Variants in MMRN1 observed in about 807,000 individuals in gnomAD.
MMRN1 encodes the protein multimerin-1.
In MMRN1, 94 loss-of-function variants were observed where a neutral mutation model predicts 100.7. That is an observed-to-expected ratio of 0.93 (90% CI 0.79 to 1.11). The LOEUF is 1.11. Among genes scored for constraint, MMRN1 ranks in the 50% least tolerant of loss-of-function variants. The probability of loss-of-function intolerance (pLI) is 0.00; values close to 1 mark genes in which losing one functional copy is unlikely to be tolerated. For missense variants in MMRN1, 1,606 were observed against 1,439.1 expected (o/e 1.12, Z -1.88); for synonymous variants, 575 against 505.0 (o/e 1.14, Z -1.86).
In MMRN1 at chr4:89,936,304, C is replaced by T. The variant is rs760038715; in HGVS notation, c.2624C>T (p.Pro875Leu). The T allele has an allele frequency of 1.2e-6, 2 of 1,612,386 alleles. No homozygotes were observed. The highest frequency in any genetic ancestry group is 1.3e-5 in the African/African-American group (1 of 74,810). Residue 875 changes from proline to leucine, a missense_variant, in exon 6 of 8, where the codon CCT becomes CTT. Pro to Leu is a moderately conservative substitution (Grantham distance 98). Transcript: ENST00000264790. ...IESKVTQTLI[P>L]YYISVKKGSV... The stretch of plus-strand genomic sequence containing the variant: ...TCTAAAGTTACCCAGACGCTCATAC[C>T]TTATTATATTTCAGTTAAAAAAGGC...
At chr4:89,932,953 A>C (rs968282655) in intron 5 of MMRN1, among the ~76,000 whole-genome samples, 3 of 151,958 alleles carry the variant, frequency 2.0e-5, no homozygotes, top group African/African-American at 7.3e-5. Flanking sequence ...TTTCTTTTCT[A>C]TTTCATCATC....
intron 7 of MMRN1, among the ~76,000 whole-genome samples, chr4:89,952,240 T>C (rs1267253011): frequency 6.6e-6 from 1 of 152,190 alleles, no homozygotes; most frequent in Non-Finnish European, 1.5e-5. Flanking sequence ...CATGCTCAAA[T>C]GTATTAAGTA....
At chr4:89,898,358 G>A (rs1371786155) in intron 1 of MMRN1, among the ~76,000 whole-genome samples, 1 of 151,864 alleles carries the variant, frequency 6.6e-6, no homozygotes, top group African/African-American at 2.4e-5. Context: ...CTTACCTAAG[G>A]TCACTTGGCT....
Position 89,903,909 on chromosome 4 carries a change from A to C in MMRN1, c.624-5367A>C, listed in dbSNP as rs1049943256. On this transcript the variant is annotated intron_variant, in intron 1 of 7. Coordinates refer to ENST00000264790, the MANE Select transcript of MMRN1 (RefSeq NM_007351.3). ...TAATTCAGGATTAGAAAAAAAAAAA[A>C]AAAACTCTAGGCACAGAAATACACT... Among the ~76,000 whole-genome samples the C allele has an allele frequency of 2.6e-5, 4 of 150,954 alleles. No homozygotes were observed. The South Asian group carries it at 6.3e-4, about 24-fold the overall frequency.
chr4:89,890,478 G>A (rs1181523162), upstream of MMRN1, among the ~76,000 whole-genome samples: 3 of 151,844 alleles, frequency 2.0e-5, no homozygotes, highest in African/African-American at 7.3e-5. Context: ...TAGCCATTCT[G>A]CCTTCTTTTC....
intron 3 of MMRN1, among the ~76,000 whole-genome samples, chr4:89,919,024 T>C (rs1040731449): frequency 1.3e-5 from 2 of 151,848 alleles, no homozygotes; most frequent in African/African-American, 4.8e-5. Flanking sequence ...TTTTATTAAG[T>C]TGACTTTTAA....
rs552707957 is a variant in MMRN1 at position 89,933,333 on chromosome 4, C to T, written c.1130-1477C>T. Among the ~76,000 whole-genome samples the T allele has an allele frequency of 5.9e-5, 9 of 152,210 alleles. No homozygotes were observed. The South Asian group carries it at 8.3e-4, about 14-fold the overall frequency. ...AGCTCCAAATTTTCTGACATATTCCCGTCTTCTTCAGAGCCCTCCAAACTG... is the reference window on the plus strand; with the variant it reads ...AGCTCCAAATTTTCTGACATATTCCTGTCTTCTTCAGAGCCCTCCAAACTG... On this transcript the variant is annotated intron_variant, in intron 5 of 7. Coordinates refer to ENST00000264790, the MANE Select transcript of MMRN1 (RefSeq NM_007351.3).
At chr4:89,890,690 C>A (rs1194623829), upstream of MMRN1, among the ~76,000 whole-genome samples, 1 of 151,900 alleles carries the variant, frequency 6.6e-6, no homozygotes, top group Non-Finnish European at 1.5e-5. Context: ...AAAAGAAATG[C>A]GTTTTGAACT....
chr4:89,926,884 G>A (rs1380672949), intron 4 of MMRN1, among the ~76,000 whole-genome samples: 1 of 152,104 alleles, frequency 6.6e-6, no homozygotes, highest in African/African-American at 2.4e-5. Flanking sequence ...TTATTAAAGA[G>A]ACTGTCTTTT....
Position 89,931,683 on chromosome 4 carries a change from G to C in MMRN1, c.1130-3127G>C, listed in dbSNP as rs928035191. Among the ~76,000 whole-genome samples, 6 of 152,278 alleles carry C rather than the reference G, an allele frequency of 3.9e-5. No individual in the cohort carries two copies. In the South Asian group the frequency reaches 6.2e-4, roughly 16 times the overall value. Reference sequence around the variant, plus strand: ...AAAGCCACGTCTTACATGGTGGCAGGCAAGAGAGCATGTGCAGGGGAACTG... The same window carrying C: ...AAAGCCACGTCTTACATGGTGGCAGCCAAGAGAGCATGTGCAGGGGAACTG... On this transcript the variant is annotated intron_variant, in intron 5 of 7. Coordinates refer to ENST00000264790, the MANE Select transcript of MMRN1 (RefSeq NM_007351.3).
intron 6 of MMRN1, among the ~76,000 whole-genome samples, chr4:89,938,437 G>A (rs962241701): frequency 6.8e-6 from 1 of 146,054 alleles, no homozygotes; most frequent in African/African-American, 2.5e-5. Context: ...TATACAGCAT[G>A]TGTGACCACA....
At chr4:89,920,206 T>C (rs1560588304) in intron 3 of MMRN1, among the ~76,000 whole-genome samples, 1 of 152,154 alleles carries the variant, frequency 6.6e-6, no homozygotes, top group African/African-American at 2.4e-5. Context: ...GGCTTTATTA[T>C]ATTTCAATAT....
chr4:89,906,747 A>G (rs1721576209), intron 1 of MMRN1, among the ~76,000 whole-genome samples: 1 of 151,434 alleles, frequency 6.6e-6, no homozygotes, highest in Non-Finnish European at 1.5e-5. Flanking sequence ...GCATAAACCT[A>G]ATTATGAGTC....
intron 1 of MMRN1, chr4:89,901,994 T>G (rs1721404729): frequency 6.6e-6 from 1 of 151,994 alleles, no homozygotes; most frequent in Admixed American, 6.6e-5. Flanking sequence ...TCCGTTAGCC[T>G]GCCTTTGTGG....
At position 89,935,754 on chromosome 4, in the gene MMRN1, A is replaced by T. The variant is rs779490612; in HGVS notation, c.2074A>T (p.Ile692Phe). ...TSAVNSLNFI[I>F]KELTKRHNLL... Reference sequence around the variant, plus strand: ...TGCTGTCAATAGTCTAAATTTTATTATCAAAGAACTTACAAAAAGACACAA... The same window carrying T: ...TGCTGTCAATAGTCTAAATTTTATTTTCAAAGAACTTACAAAAAGACACAA... Residue 692 changes from isoleucine to phenylalanine, a missense_variant, in exon 6 of 8, where the codon ATC (isoleucine) becomes TTC (phenylalanine). Physicochemically the swap from Ile to Phe is conservative, Grantham distance 21. Coordinates refer to ENST00000264790, the MANE Select transcript of MMRN1 (RefSeq NM_007351.3). The T allele has an allele frequency of 1.2e-6, 2 of 1,612,070 alleles. No homozygotes were observed. Among genetic ancestry groups the T allele is most frequent in the Non-Finnish European group, 8.5e-7 (1 of 1,179,374 alleles).
intron 4 of MMRN1, among the ~76,000 whole-genome samples, chr4:89,925,499 T>G (rs1358062934): frequency 7.1e-6 from 1 of 140,398 alleles, no homozygotes. Flanking sequence ...ATTTATATTT[T>G]TAATATATAT....
Position 89,895,581 on chromosome 4 carries a change from A to G in MMRN1, c.610A>G (p.Thr204Ala), listed in dbSNP as rs183207841. ...TGACTACCAAAAATCAAATTTCGAA[A>G]CAACTAGAGGAAAGTAAGAAATCTT... ...RTDYQKSNFE[T>A]TRGKNWCAYV... is the part of the protein sequence containing the mutation. The change falls in exon 1 of 8, where the codon ACA becomes GCA. Residue 204 changes from threonine to alanine, a missense_variant. Thr to Ala is a moderately conservative substitution (Grantham distance 58). Coordinates refer to ENST00000264790, the MANE Select transcript of MMRN1 (RefSeq NM_007351.3). 6.2e-7 allele frequency: 1 copy of G among 1,613,280 alleles called. No homozygotes were observed. Among genetic ancestry groups the G allele is most frequent in the Non-Finnish European group, 8.5e-7 (1 of 1,179,630 alleles).
chr4:89,944,435 A>G (rs777641836), intron 6 of MMRN1, among the ~76,000 whole-genome samples: 1 of 152,240 alleles, frequency 6.6e-6, no homozygotes, highest in Non-Finnish European at 1.5e-5. Context: ...GGGCACGTTA[A>G]CTTTGCCCAA....
At chr4:89,917,993 G>A (rs906418970) in intron 3 of MMRN1, among the ~76,000 whole-genome samples, 2 of 151,452 alleles carry the variant, frequency 1.3e-5, no homozygotes, top group African/African-American at 2.4e-5. Context: ...ACGTCATTAG[G>A]CCAAATTCAT....
Sources: gnomAD v4.1 joint callset for allele counts (sites outside exome capture counted in the v4.1 genomes callset) on GRCh38, gnomAD v4.1.1 for gene constraint, MANE v1.5 for transcripts, NCBI Gene and HGNC (gene_info 2026-07-23, HGNC 2026-07-21) for gene names.